CHID1: variants seen among roughly 807,000 people sequenced by gnomAD.
CHID1 encodes the protein chitinase domain containing 1, also known as chitinase domain-containing protein 1.
A neutral mutation model predicts 55.4 loss-of-function variants in CHID1; 44 were observed. The observed-to-expected ratio is 0.79, with a 90% CI of 0.62 to 1.02. The LOEUF is 1.02. CHID1 is among the 50% of genes least tolerant of loss of function. The pLI, the probability that CHID1 is intolerant of heterozygous loss-of-function variation, is 0.00. For synonymous variants in CHID1, 216 were observed against 212.9 expected, an observed-to-expected ratio of 1.01 and a Z score of -0.13; for missense variants, 491 against 515.3, an observed-to-expected ratio of 0.95 and a Z score of 0.46.
intron 10 of CHID1, among the ~76,000 whole-genome samples, chr11:874,233 G>A (rs1368023203): frequency 2.6e-5 from 4 of 152,142 alleles, no homozygotes; most frequent in Admixed American, 1.3e-4. Context: ...AGGCTGAGGC[G>A]GGCGGATCAC....
At chr11:904,141 G>C (rs1852033241) in intron 2 of CHID1, among the ~76,000 whole-genome samples, 1 of 152,230 alleles carries the variant, frequency 6.6e-6, no homozygotes. Flanking sequence ...CCGTGAGAGA[G>C]AGATGTCCAC....
chr11:899,961 CG>C, intron 6 of CHID1, 42 bp downstream of exon 6: 3 of 1,497,252 alleles, frequency 2.0e-6, no homozygotes, highest in Admixed American at 1.7e-5. Context: ...AGGTGGGACC[CG>C]GGGGGCTGTG....
At chr11:888,981 G>A (rs1368505282) in intron 8 of CHID1, among the ~76,000 whole-genome samples, 1 of 152,160 alleles carries the variant, frequency 6.6e-6, no homozygotes. Flanking sequence ...TGCTCTTCCC[G>A]GGCTGCCCCT....
In CHID1 at chr11:902,045, A is replaced by G. The variant is rs527241105; in HGVS notation, c.394+153T>C. ...TCATCAGTCTCACACTTACACACTCACATTCACACTTAAATCACGCAGAGA... is the reference window on the plus strand; with the variant it reads ...TCATCAGTCTCACACTTACACACTCGCATTCACACTTAAATCACGCAGAGA... On this transcript the variant is annotated intron_variant, in intron 4 of 12. Transcript: ENST00000323578. The G allele has an allele frequency of 1.3e-3, 976 of 772,056 alleles. 4 individuals carry two copies. The African/African-American group carries it at 0.016, about 13-fold the overall frequency. The allele number at this position is 772,056 out of a possible 1,614,324, so 47.8% of individuals were successfully genotyped here. A position where few individuals can be genotyped will look rare whatever the true frequency, so the allele number is the denominator to read the frequency against.
rs1033080570 is a variant in CHID1, at chr11:875,034, G to C, written c.960-4535C>G. The C allele has an allele frequency of 6.5e-6, 1 of 152,894 alleles. No individual in the cohort carries two copies. Among genetic ancestry groups the C allele is most frequent in the African/African-American group, 2.4e-5 (1 of 41,496 alleles). 9.5% of individuals were successfully genotyped at this position (152,894 alleles called of 1,614,324 possible). On this transcript the variant is annotated intron_variant, in intron 10 of 12. Coordinates refer to ENST00000323578, the MANE Select transcript of CHID1 (RefSeq NM_023947.4). The surrounding 1 kb of genome is among the most constrained non-coding windows in gnomAD (Gnocchi z 4.7). ...AGCCAGCTCCAAGGAACGGGTCCAAGGGAGTGGAGCTGCTTCTGGCTGGTG... is the reference window on the plus strand; with the variant it reads ...AGCCAGCTCCAAGGAACGGGTCCAACGGAGTGGAGCTGCTTCTGGCTGGTG...
chr11:910,362 C>A (rs543867022), intron 1 of CHID1, among the ~76,000 whole-genome samples: 1 of 152,292 alleles, frequency 6.6e-6, no homozygotes, highest in South Asian at 2.1e-4. Flanking sequence ...GGCCACCACT[C>A]TGCCACACGA....
chr11:891,337 C>G (rs1413598784), intron 8 of CHID1, among the ~76,000 whole-genome samples: 3 of 152,192 alleles, frequency 2.0e-5, no homozygotes, highest in Non-Finnish European at 4.4e-5. Context: ...TCACCGTGCC[C>G]GTAGCCCTGG....
upstream of CHID1, chr11:914,633 T>C: frequency 8.6e-7 from 1 of 1,166,152 alleles, no homozygotes. Flanking sequence ...TTCGGGAGGC[T>C]GATCACTTGA....
chr11:902,053 A>G (rs1565199202), intron 4 of CHID1, 145 bp downstream of exon 4: 2 of 844,384 alleles, frequency 2.4e-6, no homozygotes, highest in Non-Finnish European at 3.7e-6. Flanking sequence ...TCACATTCAC[A>G]CTTAAATCAC....
upstream of CHID1, among the ~76,000 whole-genome samples, chr11:912,151 G>A (rs1469986007): frequency 2.0e-5 from 3 of 152,134 alleles, no homozygotes; most frequent in African/African-American, 7.2e-5. Flanking sequence ...GTGGAACCCT[G>A]TCTCTACTAA....
intron 10 of CHID1, among the ~76,000 whole-genome samples, chr11:872,129 G>A (rs982054978): frequency 6.6e-6 from 1 of 152,180 alleles, no homozygotes; most frequent in African/African-American, 2.4e-5. Flanking sequence ...CATTCGGGCA[G>A]CCTCCCCAAC....
chr11:910,389 C>A (rs949190839), intron 1 of CHID1, among the ~76,000 whole-genome samples: 38 of 152,180 alleles, frequency 2.5e-4, no homozygotes, highest in African/African-American at 9.2e-4. Context: ...CGCTCACACA[C>A]TCCTCACCCG....
In CHID1 at chr11:894,413, C is replaced by T. The variant is rs996299008; in HGVS notation, c.609-894G>A. On this transcript the variant is annotated intron_variant, in intron 7 of 12. Transcript: ENST00000323578. ...CCTCCTAGCACGGCCTAGGAGCAGC[C>T]GTCAGGACCCCAGGCCGGCCGTGTG... Among the ~76,000 whole-genome samples the T allele has an allele frequency of 2.6e-5, 4 of 152,196 alleles. 1 individual carries two copies. The highest frequency in any genetic ancestry group is 4.1e-4 in the South Asian group (2 of 4,836).
chr11:904,302 G>A (rs1852045344), intron 2 of CHID1, among the ~76,000 whole-genome samples: 1 of 152,208 alleles, frequency 6.6e-6, no homozygotes, highest in Non-Finnish European at 1.5e-5. Flanking sequence ...CCTTGAAGGT[G>A]CAATCCCCAG....
chr11:896,395 C>A (rs1851293753), intron 7 of CHID1, among the ~76,000 whole-genome samples: 1 of 139,910 alleles, frequency 7.1e-6, no homozygotes, highest in South Asian at 2.3e-4. Context: ...TGTCTCAGCA[C>A]CCCCAGCCTC....
intron 10 of CHID1, chr11:882,605 A>G (rs1452548047): frequency 1.9e-5 from 3 of 154,664 alleles, no homozygotes; most frequent in Non-Finnish European, 2.9e-5. Flanking sequence ...GAGGACAGCA[A>G]CACAGGCAGG....
At chr11:912,150 T>A (rs1335735750), upstream of CHID1, among the ~76,000 whole-genome samples, 1 of 152,152 alleles carries the variant, frequency 6.6e-6, no homozygotes, top group Non-Finnish European at 1.5e-5. Flanking sequence ...GGTGGAACCC[T>A]GTCTCTACTA....
chr11:911,314 TG>T (rs1349610472), upstream of CHID1: 4 of 152,170 alleles, frequency 2.6e-5, no homozygotes, highest in African/African-American at 9.7e-5. Flanking sequence ...CAGCGGGGAC[TG>T]CCCGAAACGC....
chr11:914,654 T>C (rs900286369), upstream of CHID1: 16 of 955,372 alleles, frequency 1.7e-5, no homozygotes, highest in Non-Finnish European at 2.0e-5. Context: ...GCCCAGGACA[T>C]CAAGGCTGCA....
Sources: gnomAD v4.1 joint callset for allele counts (sites outside exome capture counted in the v4.1 genomes callset) on GRCh38, gnomAD v4.1.1 for gene constraint, Gnocchi (gnomAD v3.1) non-coding constraint, MANE v1.5 for transcripts, NCBI Gene and HGNC (gene_info 2026-07-23, HGNC 2026-07-21) for gene names.